The following CACNA1E variants were observed in gnomAD, a reference collection of about 807,000 sequenced individuals.
CACNA1E encodes voltage-dependent R-type calcium channel subunit alpha-1E.
A neutral mutation model predicts 259.2 loss-of-function variants in CACNA1E; 40 were observed. The observed-to-expected ratio is 0.15, with a 90% CI of 0.12 to 0.20. The LOEUF is 0.20. Ranked by LOEUF, CACNA1E falls within the 10% of genes least tolerant of loss-of-function variation. The pLI is 1.00. For synonymous variants in CACNA1E, 1,104 were observed against 1,138.5 expected (o/e 0.97, Z 0.61); for missense variants, 1,874 against 3,040.1 (o/e 0.62, Z 9.02).
intron 1 of CACNA1E, among the ~76,000 whole-genome samples, chr1:181,390,754 A>G (rs575164427): frequency 3.6e-4 from 55 of 152,260 alleles, no homozygotes; most frequent in South Asian, 1.9e-3. Flanking sequence ...GAGGTCAGAG[A>G]GTTGGAGATA....
chr1:181,518,675 TC>T, intron 3 of CACNA1E, among the ~76,000 whole-genome samples: 1 of 152,266 alleles, frequency 6.6e-6, no homozygotes, highest in Non-Finnish European at 1.5e-5. Context: ...GGGAATTTTT[TC>T]TCATGTATGC....
intron 6 of CACNA1E, among the ~76,000 whole-genome samples, chr1:181,647,573 G>A (rs80005741): frequency 3.9e-5 from 6 of 152,234 alleles, no homozygotes; most frequent in East Asian, 1.9e-4. Flanking sequence ...TCCACTTCAC[G>A]TGCTTTCTGG....
chr1:181,323,798 C>T (rs891640065), intron 1 of CACNA1E, among the ~76,000 whole-genome samples: 1 of 152,230 alleles, frequency 6.6e-6, no homozygotes, highest in Non-Finnish European at 1.5e-5. Flanking sequence ...TTCATAATGA[C>T]AGGTAAACAC....
chr1:181,669,842 T>A (rs1648615327), intron 7 of CACNA1E, among the ~76,000 whole-genome samples: 1 of 152,192 alleles, frequency 6.6e-6, no homozygotes, highest in Non-Finnish European at 1.5e-5. Context: ...GTAGTAGGAC[T>A]CCAAGAAGTG....
chr1:181,680,035 C>T (rs1358461573), intron 7 of CACNA1E, among the ~76,000 whole-genome samples: 3 of 144,640 alleles, frequency 2.1e-5, no homozygotes, highest in Non-Finnish European at 4.5e-5. Flanking sequence ...GTTGCTTGAG[C>T]CCAGGAGTTC....
intron 6 of CACNA1E, among the ~76,000 whole-genome samples, chr1:181,582,274 T>A (rs1194778615): frequency 6.6e-6 from 1 of 152,176 alleles, no homozygotes; most frequent in Admixed American, 6.5e-5. Flanking sequence ...TGGAGGACAC[T>A]CTGCAGTTCT....
At position 181,634,899 on chromosome 1, in the gene CACNA1E, C is replaced by A. The variant is rs182967389; in HGVS notation, c.952-16439C>A. Among the ~76,000 whole-genome samples, 385 of 152,312 alleles carry A rather than the reference C, an allele frequency of 2.5e-3. 2 individuals are homozygous for A. Among genetic ancestry groups the A allele is most frequent in the African/African-American group, 8.9e-3 (368 of 41,566 alleles). ...CGCTGTGCCTTCCTCTGCTTCTAAC[C>A]CTGCCTCTACGATGGGCTCTCTCTC... On this transcript the variant is annotated intron_variant, in intron 6 of 47. Transcript: ENST00000367573.
At chr1:181,484,060 G>A (rs1479529531) in intron 1 of CACNA1E, 50 bp downstream of exon 1, 4 of 1,548,780 alleles carry the variant, frequency 2.6e-6, no homozygotes, top group Non-Finnish European at 3.5e-6. Flanking sequence ...GCATTTCTTC[G>A]GGTGAAGGGG....
chr1:181,680,134 A>T (rs1649801597), intron 7 of CACNA1E, among the ~76,000 whole-genome samples: 1 of 129,284 alleles, frequency 7.7e-6, no homozygotes, highest in Admixed American at 8.1e-5. Context: ...AAAAAAAAAA[A>T]GAGTCCCCAA....
At chr1:181,498,058 G>A (rs1376730763) in intron 1 of CACNA1E, among the ~76,000 whole-genome samples, 2 of 152,174 alleles carry the variant, frequency 1.3e-5, no homozygotes, top group Non-Finnish European at 2.9e-5. Context: ...TTCAATATTA[G>A]CATGGAAAGT....
At chr1:181,696,130 A>G (rs1376581456) in intron 7 of CACNA1E, among the ~76,000 whole-genome samples, 1 of 152,220 alleles carries the variant, frequency 6.6e-6, no homozygotes, top group Non-Finnish European at 1.5e-5. Context: ...TGTCAAAATA[A>G]ACAATTTCTG....
At chr1:181,623,444 G>T (rs1655907312) in intron 6 of CACNA1E, among the ~76,000 whole-genome samples, 1 of 152,054 alleles carries the variant, frequency 6.6e-6, no homozygotes, top group South Asian at 2.1e-4. Flanking sequence ...TTTGAGGATG[G>T]GTATTTTTTG....
At chr1:181,497,221 T>C (rs1241085776) in intron 1 of CACNA1E, among the ~76,000 whole-genome samples, 1 of 152,156 alleles carries the variant, frequency 6.6e-6, no homozygotes, top group African/African-American at 2.4e-5. Context: ...AGAAAGACTG[T>C]ACAGGCTGAG....
At chr1:181,439,384 T>A (rs1171509947) in intron 2 of CACNA1E, among the ~76,000 whole-genome samples, 1 of 151,984 alleles carries the variant, frequency 6.6e-6, no homozygotes, top group Non-Finnish European at 1.5e-5. Flanking sequence ...CATGCCCTGC[T>A]TGAGTAGGCC....
intron 7 of CACNA1E, among the ~76,000 whole-genome samples, chr1:181,652,518 A>G (rs1000571457): frequency 2.6e-5 from 4 of 152,224 alleles, no homozygotes; most frequent in Non-Finnish European, 5.9e-5. Flanking sequence ...CATAGAAAAA[A>G]TTGGCAACAG....
chr1:181,796,386 C>T (rs1224651018), intron 46 of CACNA1E, among the ~76,000 whole-genome samples: 2 of 152,192 alleles, frequency 1.3e-5, no homozygotes. Context: ...TCTATTCTCA[C>T]ATGATGGAGA....
At chr1:181,733,396 CA>C (rs764833533) in intron 20 of CACNA1E, 40 bp from the exon 21 acceptor site, 23 of 1,459,518 alleles carry the variant, frequency 1.6e-5, no homozygotes, top group Non-Finnish European at 1.9e-5. Flanking sequence ...CATTTGGGGA[CA>C]GCGTCTGAGC....
At chr1:181,737,729 C>T (rs892989751) in intron 23 of CACNA1E, 75 bp downstream of exon 23, 27 of 1,542,502 alleles carry the variant, frequency 1.8e-5, no homozygotes, top group Middle Eastern at 1.7e-4. Flanking sequence ...GGAGGTGAAC[C>T]GAGATGGTAG....
chr1:181,701,210 T>G (rs1015074657), intron 7 of CACNA1E, among the ~76,000 whole-genome samples: 6 of 152,176 alleles, frequency 3.9e-5, no homozygotes, highest in Non-Finnish European at 8.8e-5. Flanking sequence ...AAACTCTCAA[T>G]TTCTTCCTTG....
Sources: allele counts gnomAD v4.1 joint callset (sites outside exome capture counted in the v4.1 genomes callset), GRCh38; gene constraint gnomAD v4.1.1; transcripts MANE v1.5; gene names NCBI Gene and HGNC (gene_info 2026-07-23, HGNC 2026-07-21).